TKT: variants seen among roughly 807,000 people sequenced by gnomAD.
The protein encoded by TKT is transketolase.
Under a neutral mutation model 63.9 loss-of-function variants are expected in TKT, and 47 were observed. The observed-to-expected ratio is 0.74, with a 90% CI of 0.58 to 0.94. The LOEUF (loss-of-function observed/expected upper bound fraction) is 0.94, where lower values mean the gene tolerates loss of function less well. Among genes scored for constraint, TKT ranks in the 40% least tolerant of loss-of-function variants. TKT has a pLI of 0.00. For synonymous variants in TKT, 338 were observed against 334.1 expected, an observed-to-expected ratio of 1.01 and a Z score of -0.13; for missense variants, 721 against 846.2, an observed-to-expected ratio of 0.85 and a Z score of 1.84.
intron 7 of TKT, 81 bp downstream of exon 7, chr3:53,231,276 G>T (rs781965961): frequency 1.1e-5 from 17 of 1,500,448 alleles, no homozygotes; most frequent in African/African-American, 1.4e-5. Context: ...CCCTTTCCCA[G>T]CCCTCCAGAG....
chr3:53,230,258 G>A (rs1353388645), intron 8 of TKT, among the ~76,000 whole-genome samples, 199 bp downstream of exon 8: 1 of 152,216 alleles, frequency 6.6e-6, no homozygotes, highest in African/African-American at 2.4e-5. Context: ...CACCTGTCCA[G>A]GACATTTGCA....
rs1355378350 is a variant in TKT, at chr3:53,227,825, G to C, written c.1573+231C>G. ...CCATGCTGGGGGGGTCTCGACTTTAGAGTCATAGGGTAGGGACTGTGGGCA... is the reference window on the plus strand; with the variant it reads ...CCATGCTGGGGGGGTCTCGACTTTACAGTCATAGGGTAGGGACTGTGGGCA... On this transcript the variant is annotated intron_variant, in intron 12 of 13. Coordinates refer to ENST00000462138, the MANE Select transcript of TKT (RefSeq NM_001064.4). The C allele has an allele frequency of 1.5e-5, 7 of 473,336 alleles. No homozygotes were observed. In the East Asian group the frequency reaches 2.8e-4, roughly 19 times the overall value. 29.3% of individuals were successfully genotyped at this position (473,336 alleles called of 1,614,324 possible).
At chr3:53,244,259 C>T (rs1027157773) in intron 1 of TKT, among the ~76,000 whole-genome samples, 2 of 152,150 alleles carry the variant, frequency 1.3e-5, no homozygotes, top group Non-Finnish European at 2.9e-5. Flanking sequence ...GCCAGGTGTC[C>T]CCGCACTCTT....
intron 1 of TKT, among the ~76,000 whole-genome samples, chr3:53,248,327 C>T (rs1431886582): frequency 5.9e-5 from 9 of 152,250 alleles, no homozygotes; most frequent in Non-Finnish European, 4.4e-5. Context: ...GTCCACACAA[C>T]GGAATATTCA....
At chr3:53,234,651 A>G (rs1553678066) in intron 5 of TKT, 1 of 204,896 alleles carries the variant, frequency 4.9e-6, no homozygotes, top group African/African-American at 2.3e-5. Flanking sequence ...TACATCCTTT[A>G]GCTTTACCGA....
intron 1 of TKT, among the ~76,000 whole-genome samples, chr3:53,246,338 C>T (rs1705503325): frequency 6.6e-6 from 1 of 152,090 alleles, no homozygotes; most frequent in Non-Finnish European, 1.5e-5. Context: ...TTTGCAATTG[C>T]AAGACCTGGA....
chr3:53,248,692 A>T (rs1705621012), intron 1 of TKT, among the ~76,000 whole-genome samples: 1 of 152,008 alleles, frequency 6.6e-6, no homozygotes, highest in African/African-American at 2.4e-5. Flanking sequence ...CCCTCTAAAA[A>T]TTATGCTAAG....
chr3:53,252,124 G>A (rs1240525808), intron 1 of TKT, among the ~76,000 whole-genome samples: 1 of 152,316 alleles, frequency 6.6e-6, no homozygotes, highest in East Asian at 1.9e-4. Context: ...TGGGCAACAA[G>A]AGTGAAACTC....
intron 10 of TKT, chr3:53,228,757 T>C (rs41275541): frequency 0.19 from 108,621 of 576,968 alleles, 10,927 homozygotes; most frequent in South Asian, 0.29. Context: ...TGTCAACCGC[T>C]GGACCGGCCA....
intron 1 of TKT, among the ~76,000 whole-genome samples, chr3:53,251,335 C>G (rs1433284556): frequency 6.6e-6 from 1 of 152,226 alleles, no homozygotes; most frequent in Non-Finnish European, 1.5e-5. Context: ...TGCCACCAGC[C>G]TCAGCATCCA....
intron 8 of TKT, among the ~76,000 whole-genome samples, chr3:53,230,209 T>C (rs576514568): frequency 6.6e-6 from 1 of 152,344 alleles, no homozygotes; most frequent in East Asian, 1.9e-4. Flanking sequence ...CAGCTCCTCC[T>C]GAGAGCACCT....
intron 13 of TKT, 109 bp from the exon 14 acceptor site, chr3:53,226,040 C>T: frequency 2.1e-6 from 2 of 959,188 alleles, no homozygotes; most frequent in South Asian, 3.8e-5. Flanking sequence ...ATATGCACTG[C>T]CTTTCTCCAC....
chr3:53,231,571 G>A (rs531608021), intron 6 of TKT, 21 bp from the exon 7 acceptor site: 17 of 1,607,058 alleles, frequency 1.1e-5, no homozygotes, highest in East Asian at 4.5e-5. Context: ...AACACGGGAG[G>A]ACAGAGGAAT....
chr3:53,241,811 C>G (rs1553679944), intron 2 of TKT: 1 of 361,652 alleles, frequency 2.8e-6, no homozygotes, highest in Non-Finnish European at 5.3e-6. Context: ...GCCAGTCCTG[C>G]CTGTCAACAC....
chr3:53,241,035 T>A (rs1553679693), intron 3 of TKT, 97 bp downstream of exon 3: 2 of 1,058,274 alleles, frequency 1.9e-6, no homozygotes, highest in Non-Finnish European at 2.7e-6. Context: ...TTTCAACACC[T>A]TTGGCTTCTC....
chr3:53,236,356 C>CACTT (rs1453377331), intron 4 of TKT, among the ~76,000 whole-genome samples: 1 of 152,234 alleles, frequency 6.6e-6, no homozygotes, highest in African/African-American at 2.4e-5. Flanking sequence ...CATGACTCAG[C>CACTT]ACTTCCACAT....
intron 13 of TKT, 127 bp downstream of exon 13, chr3:53,226,629 C>A: frequency 7.1e-7 from 1 of 1,410,906 alleles, no homozygotes; most frequent in Non-Finnish European, 9.8e-7. Flanking sequence ...CCCAGCTGCT[C>A]TGAGGGACAG....
intron 1 of TKT, among the ~76,000 whole-genome samples, chr3:53,255,116 C>A (rs1705927489): frequency 6.6e-6 from 1 of 152,230 alleles, no homozygotes. Context: ...CAGGGTTCTG[C>A]ACCCACGTGC....
Position 53,225,731 on chromosome 3 carries a change from C to T in TKT, c.*25G>A. The T allele has an allele frequency of 1.3e-6, 2 of 1,586,298 alleles. No homozygotes were observed. The highest frequency in any genetic ancestry group is 1.7e-6 in the Non-Finnish European group (2 of 1,162,376). On this transcript the variant is annotated 3_prime_UTR_variant, in exon 14 of 14. Transcript: ENST00000462138. Reference sequence around the variant, plus strand: ...CCCAGAATCTCAGGAATGTATAGACCCCCGCCCCACACTTCATACCCGCCC... The same window carrying T: ...CCCAGAATCTCAGGAATGTATAGACTCCCGCCCCACACTTCATACCCGCCC...
Sources: allele counts gnomAD v4.1 joint callset (sites outside exome capture counted in the v4.1 genomes callset), GRCh38; gene constraint gnomAD v4.1.1; transcripts MANE v1.5; gene names NCBI Gene and HGNC (gene_info 2026-07-23, HGNC 2026-07-21).